Variants in BTBD9 observed in about 807,000 individuals in gnomAD.
BTBD9 encodes BTB/POZ domain-containing protein 9.
BTBD9 carries 49 observed loss-of-function variants against 64.3 expected under a neutral mutation model. The ratio of observed to expected loss-of-function variants is 0.76; its 90% CI spans 0.61 to 0.97. The LOEUF is 0.97. Among genes scored for constraint, BTBD9 ranks in the 50% least tolerant of loss-of-function variants. The pLI is 0.00. For synonymous variants in BTBD9, 260 were observed against 274.7 expected (o/e 0.95, Z 0.53); for missense variants, 598 against 762.1 (o/e 0.78, Z 2.53).
chr6:38,557,762 A>G (rs1775094188), intron 6 of BTBD9, among the ~76,000 whole-genome samples: 1 of 151,024 alleles, frequency 6.6e-6, no homozygotes, highest in Non-Finnish European at 1.5e-5. Context: ...CCAGGCACAT[A>G]TCTTCTAAGC....
intron 6 of BTBD9, among the ~76,000 whole-genome samples, chr6:38,405,477 G>A (rs1448671867): frequency 6.6e-6 from 1 of 152,080 alleles, no homozygotes; most frequent in Admixed American, 6.5e-5. Flanking sequence ...AAAACTTATA[G>A]GAAGTTGGAA....
intron 7 of BTBD9, among the ~76,000 whole-genome samples, chr6:38,298,515 CCT>C (rs973149990): frequency 1.7e-4 from 26 of 152,220 alleles, no homozygotes; most frequent in African/African-American, 6.0e-4. Context: ...CATCTCATGT[CCT>C]CTCTTTAAGC....
chr6:38,567,489 T>C (rs535513123), intron 6 of BTBD9, among the ~76,000 whole-genome samples: 93 of 152,316 alleles, frequency 6.1e-4, no homozygotes, highest in African/African-American at 2.2e-3. Context: ...TCCACTCCAA[T>C]CCACAATCCA....
rs762881748 is a variant in BTBD9 at position 38,232,665 on chromosome 6, C to CTT, written c.1562+23742_1562+23743dup. On this transcript the variant is annotated intron_variant, in intron 9 of 10. Transcript: ENST00000481247. ...ATTTTTTCACATAAACCTTTCGCAA[C>CTT]TTTTTTTTTTTTTTTTGAAGATAAG... 1.5e-3 allele frequency among the ~76,000 whole-genome samples: 219 copies of CTT among 141,446 alleles called. 5 individuals carry two copies. The East Asian group carries it at 0.031, about 20-fold the overall frequency. The allele number at this position is 141,446 out of a possible 152,430, so 92.8% of individuals were successfully genotyped here. A position where few individuals can be genotyped will look rare whatever the true frequency, so the allele number is the denominator to read the frequency against.
intron 6 of BTBD9, among the ~76,000 whole-genome samples, chr6:38,384,829 T>C (rs563243491): frequency 2.2e-4 from 34 of 152,316 alleles, no homozygotes; most frequent in African/African-American, 7.9e-4. Flanking sequence ...ACTTGCTCTG[T>C]ATCAGAAATG....
chr6:38,359,711 A>AG (rs1230645994), intron 6 of BTBD9, among the ~76,000 whole-genome samples: 1 of 152,104 alleles, frequency 6.6e-6, no homozygotes, highest in Non-Finnish European at 1.5e-5. Flanking sequence ...GAGGAAGGAA[A>AG]GGTGGGGGAA....
At chr6:38,232,820 C>T (rs1411598687) in intron 9 of BTBD9, among the ~76,000 whole-genome samples, 1 of 152,068 alleles carries the variant, frequency 6.6e-6, no homozygotes, top group Non-Finnish European at 1.5e-5. Flanking sequence ...AAATGAGTCT[C>T]TCTGGATCAC....
chr6:38,443,072 C>T (rs2127318944), intron 6 of BTBD9, among the ~76,000 whole-genome samples: 1 of 152,232 alleles, frequency 6.6e-6, no homozygotes, highest in African/African-American at 2.4e-5. Context: ...GTTTGTGAAG[C>T]AAGTATTGAC....
chr6:38,587,258 C>T (rs770037735), intron 4 of BTBD9: 4 of 304,146 alleles, frequency 1.3e-5, no homozygotes, highest in Admixed American at 3.9e-5. Context: ...GGAGAGGTGG[C>T]GGTGGTGGCC....
intron 1 of BTBD9, among the ~76,000 whole-genome samples, chr6:38,635,857 T>C (rs1429209099): frequency 2.0e-5 from 3 of 152,100 alleles, no homozygotes; most frequent in East Asian, 1.9e-4. Context: ...TTATGAAACA[T>C]AAAATATGAA....
Position 38,344,753 on chromosome 6 carries a change from T to G in BTBD9, c.1264+231A>C, listed in dbSNP as rs532320894. 2.6e-5 allele frequency among the ~76,000 whole-genome samples: 4 copies of G among 152,328 alleles called. No individual in the cohort carries two copies. The South Asian group carries it at 8.3e-4, about 32-fold the overall frequency. ...CAAATCTGAATGAATTACTAAAATA[T>G]TTTCAATTCTTTAGCACTAGTACAA... On this transcript the variant is annotated intron_variant, in intron 7 of 10. Coordinates refer to ENST00000481247, the MANE Select transcript of BTBD9 (RefSeq NM_001099272.2).
intron 6 of BTBD9, among the ~76,000 whole-genome samples, chr6:38,552,856 G>A (rs1459972416): frequency 6.6e-6 from 1 of 152,024 alleles, no homozygotes; most frequent in Non-Finnish European, 1.5e-5. Flanking sequence ...GTTAATATAT[G>A]TTTGTCCCTT....
At chr6:38,196,948 G>C (rs1196252432) in intron 9 of BTBD9, among the ~76,000 whole-genome samples, 1 of 152,240 alleles carries the variant, frequency 6.6e-6, no homozygotes, top group Non-Finnish European at 1.5e-5. Context: ...TGTCAGAGTA[G>C]TAATTAAGCA....
chr6:38,223,363 C>T (rs777903721), intron 9 of BTBD9, among the ~76,000 whole-genome samples: 1 of 152,282 alleles, frequency 6.6e-6, no homozygotes, highest in Non-Finnish European at 1.5e-5. Flanking sequence ...GAGACAGGAT[C>T]TCACTCTGTG....
At chr6:38,602,350 A>G (rs1228705671) in intron 1 of BTBD9, among the ~76,000 whole-genome samples, 2 of 152,178 alleles carry the variant, frequency 1.3e-5, no homozygotes, top group Non-Finnish European at 2.9e-5. Flanking sequence ...GGTTAAATAA[A>G]TAATGGTATG....
At chr6:38,430,158 G>C (rs779203663) in intron 6 of BTBD9, among the ~76,000 whole-genome samples, 1 of 151,888 alleles carries the variant, frequency 6.6e-6, no homozygotes, top group East Asian at 1.9e-4. Context: ...TTCCTAGGTA[G>C]GTACTATCCT....
intron 6 of BTBD9, among the ~76,000 whole-genome samples, chr6:38,540,799 G>T (rs374335466): frequency 6.6e-6 from 1 of 152,164 alleles, no homozygotes; most frequent in African/African-American, 2.4e-5. Context: ...CACTGGAAGC[G>T]AATGTTAAGA....
chr6:38,297,946 T>C (rs1455282400), intron 7 of BTBD9, among the ~76,000 whole-genome samples: 1 of 151,742 alleles, frequency 6.6e-6, no homozygotes, highest in Non-Finnish European at 1.5e-5. Context: ...GTTCATGCCA[T>C]TCTCCTGCCT....
intron 6 of BTBD9, among the ~76,000 whole-genome samples, chr6:38,483,437 C>T (rs1421134441): frequency 6.6e-6 from 1 of 151,980 alleles, no homozygotes; most frequent in Non-Finnish European, 1.5e-5. Flanking sequence ...TTTTCCTTGC[C>T]CACCTGCTGT....
Sources: allele counts gnomAD v4.1 joint callset (sites outside exome capture counted in the v4.1 genomes callset), GRCh38; gene constraint gnomAD v4.1.1; transcripts MANE v1.5; gene names NCBI Gene and HGNC (gene_info 2026-07-23, HGNC 2026-07-21).